The following MECOM variants were observed in gnomAD, a reference collection of about 807,000 sequenced individuals.
MECOM encodes MDS1 and EVI1 complex locus.
MECOM carries 13 observed loss-of-function variants against 116.3 expected under a neutral mutation model. That is an observed-to-expected ratio of 0.11 (90% confidence interval 0.07 to 0.18). MECOM has a LOEUF of 0.18. MECOM is among the 10% of genes least tolerant of loss of function. The pLI is 1.00. For synonymous variants in MECOM, 528 were observed against 535.2 expected, an observed-to-expected ratio of 0.99 and a Z score of 0.19; for missense variants, 1,299 against 1,509.0, an observed-to-expected ratio of 0.86 and a Z score of 2.31.
At chr3:169,647,477 C>A (rs1013863742) in intron 1 of MECOM, among the ~76,000 whole-genome samples, 1 of 152,070 alleles carries the variant, frequency 6.6e-6, no homozygotes. Context: ...TAGAACCAAG[C>A]CATCTAATTT....
At chr3:169,100,735 T>C in intron 12 of MECOM, 150 bp downstream of exon 12, 1 of 308,126 alleles carries the variant, frequency 3.2e-6, no homozygotes. Context: ...AGTCAATTCT[T>C]TCTTGACTCA....
At chr3:169,119,028 C>A (rs558745366) in intron 7 of MECOM, among the ~76,000 whole-genome samples, 1 of 152,274 alleles carries the variant, frequency 6.6e-6, no homozygotes, top group East Asian at 1.9e-4. Context: ...ACTTATTAAA[C>A]AAATTAAGAG....
At chr3:169,270,476 T>A (rs1389272447) in intron 2 of MECOM, among the ~76,000 whole-genome samples, 1 of 152,086 alleles carries the variant, frequency 6.6e-6, no homozygotes, top group African/African-American at 2.4e-5. Context: ...AACATATTTA[T>A]GTTAAATATT....
chr3:169,430,252 A>G (rs1741392906), intron 1 of MECOM, among the ~76,000 whole-genome samples: 1 of 152,152 alleles, frequency 6.6e-6, no homozygotes, highest in Non-Finnish European at 1.5e-5. Context: ...TGCCTGTCCT[A>G]GCTACTTAAT....
intron 2 of MECOM, among the ~76,000 whole-genome samples, chr3:169,296,676 T>C (rs933162509): frequency 6.6e-6 from 1 of 152,138 alleles, no homozygotes; most frequent in Non-Finnish European, 1.5e-5. Flanking sequence ...AATGGAATTA[T>C]AGTAATAAAG....
intron 2 of MECOM, among the ~76,000 whole-genome samples, chr3:169,177,930 AG>A (rs1198932929): frequency 2.0e-5 from 3 of 151,112 alleles, no homozygotes; most frequent in African/African-American, 7.3e-5. Context: ...AAAAAAAAAA[AG>A]GAGAAAAAAA....
intron 1 of MECOM, among the ~76,000 whole-genome samples, chr3:169,481,448 G>A (rs1751269008): frequency 6.6e-6 from 1 of 152,032 alleles, no homozygotes; most frequent in Admixed American, 6.6e-5. Context: ...ATCTACTTGG[G>A]AGCCCGAGGC....
At chr3:169,119,104 T>A (rs1191108331) in intron 7 of MECOM, among the ~76,000 whole-genome samples, 1 of 152,248 alleles carries the variant, frequency 6.6e-6, no homozygotes, top group Non-Finnish European at 1.5e-5. Context: ...TAGGTTTCTG[T>A]AAAGGCAGTG....
At chr3:169,598,569 A>C (rs552321828) in intron 1 of MECOM, among the ~76,000 whole-genome samples, 105 of 152,336 alleles carry the variant, frequency 6.9e-4, no homozygotes, top group African/African-American at 2.3e-3. Context: ...ATGATGTCAG[A>C]GACAGAAGCC....
At position 169,524,865 on chromosome 3, in the gene MECOM, A is replaced by T. The variant is rs1757785882; in HGVS notation, c.37+138471T>A. Among the ~76,000 whole-genome samples, 3 of 152,342 alleles carry T rather than the reference A, an allele frequency of 2.0e-5. No homozygotes were observed. In the South Asian group the frequency reaches 6.2e-4, roughly 32 times the overall value. On this transcript the variant is annotated intron_variant, in intron 1 of 16. Transcript: ENST00000651503. Reference sequence around the variant, plus strand: ...ATTAAAAAATGAGTATCAGAAATAAAATGTTAACCTTCTCAACATTAGCTG... The same window carrying T: ...ATTAAAAAATGAGTATCAGAAATAATATGTTAACCTTCTCAACATTAGCTG...
intron 1 of MECOM, among the ~76,000 whole-genome samples, chr3:169,574,951 C>G (rs1033985445): frequency 6.6e-6 from 1 of 152,040 alleles, no homozygotes; most frequent in Non-Finnish European, 1.5e-5. Flanking sequence ...CTTTCCGAAG[C>G]GCTGATAGAA....
At chr3:169,452,264 A>G (rs1432802699) in intron 1 of MECOM, among the ~76,000 whole-genome samples, 1 of 152,116 alleles carries the variant, frequency 6.6e-6, no homozygotes, top group Non-Finnish European at 1.5e-5. Context: ...GAGACTGCTT[A>G]GGAAACACAC....
chr3:169,366,319 G>A (rs1038626530), intron 2 of MECOM, among the ~76,000 whole-genome samples: 1 of 151,802 alleles, frequency 6.6e-6, no homozygotes, highest in Non-Finnish European at 1.5e-5. Context: ...AGCACTCTAG[G>A]ATGGCTTATA....
rs2108724062 is a variant in MECOM, at chr3:169,458,839, A to G, written c.38-77315T>C. 2.6e-5 allele frequency among the ~76,000 whole-genome samples: 4 copies of G among 152,354 alleles called. 1 individual carries two copies. The South Asian group carries it at 8.3e-4, about 32-fold the overall frequency. ...AGGCCAGCAGGGCGATTAGGAAGTAATGTAGAGCAGAGGCACTTCCTAGGA... is the reference window on the plus strand; with the variant it reads ...AGGCCAGCAGGGCGATTAGGAAGTAGTGTAGAGCAGAGGCACTTCCTAGGA... On this transcript the variant is annotated intron_variant, in intron 1 of 16. Transcript: ENST00000651503.
chr3:169,545,878 C>A (rs1760669256), intron 1 of MECOM, among the ~76,000 whole-genome samples: 1 of 152,190 alleles, frequency 6.6e-6, no homozygotes, highest in African/African-American at 2.4e-5. Context: ...TGACTTCTCG[C>A]TTCTCTTCCC....
intron 2 of MECOM, among the ~76,000 whole-genome samples, chr3:169,158,179 TGTG>T (rs1742296779): frequency 6.6e-6 from 1 of 152,178 alleles, no homozygotes. Context: ...TTTTAAAAAA[TGTG>T]GTGGTGGTTG....
At position 169,260,211 on chromosome 3, in the gene MECOM, C is replaced by T. The variant is rs535939871; in HGVS notation, c.376-116379G>A. Among the ~76,000 whole-genome samples, 3 of 152,076 alleles carry T rather than the reference C, an allele frequency of 2.0e-5. No individual in the cohort carries two copies. The East Asian group carries it at 5.8e-4, about 29-fold the overall frequency. ...ACTAAAAGCTTTAGTTATATTGGTGCCAAAATTGGCTAGACTTACTCATCA... is the reference window on the plus strand; with the variant it reads ...ACTAAAAGCTTTAGTTATATTGGTGTCAAAATTGGCTAGACTTACTCATCA... On this transcript the variant is annotated intron_variant, in intron 2 of 16. Transcript: ENST00000651503.
chr3:169,631,975 A>G (rs1011774986), intron 1 of MECOM, among the ~76,000 whole-genome samples: 1 of 152,058 alleles, frequency 6.6e-6, no homozygotes, highest in African/African-American at 2.4e-5. Flanking sequence ...TTCCCATCTC[A>G]GGTAGAACAG....
At chr3:169,524,975 TA>T (rs10718770) in intron 1 of MECOM, among the ~76,000 whole-genome samples, 27,753 of 146,818 alleles carry the variant, frequency 0.19, 3,514 homozygotes, top group African/African-American at 0.37. Context: ...CATACTTGTT[TA>T]AAAAAAAAAA....
Sources: gnomAD v4.1 joint callset for allele counts (sites outside exome capture counted in the v4.1 genomes callset) on GRCh38, gnomAD v4.1.1 for gene constraint, MANE v1.5 for transcripts, NCBI Gene and HGNC (gene_info 2026-07-23, HGNC 2026-07-21) for gene names.